The following MYO9A variants were observed in gnomAD, a reference collection of about 807,000 sequenced individuals.
The protein encoded by MYO9A is unconventional myosin-IXa.
A neutral mutation model predicts 293.3 loss-of-function variants in MYO9A; 103 were observed. The observed-to-expected ratio is 0.35, with a 90% CI of 0.30 to 0.41. MYO9A has a LOEUF of 0.41. MYO9A is among the 10% of genes least tolerant of loss of function. The pLI is 1.00. For synonymous variants in MYO9A, 1,001 were observed against 1,035.7 expected, an observed-to-expected ratio of 0.97 and a Z score of 0.64; for missense variants, 2,685 against 3,033.0, an observed-to-expected ratio of 0.89 and a Z score of 2.69.
At chr15:72,110,467 C>G (rs1390092968) in intron 1 of MYO9A, among the ~76,000 whole-genome samples, 1 of 149,372 alleles carries the variant, frequency 6.7e-6, no homozygotes, top group African/African-American at 2.5e-5. Flanking sequence ...AAGAAAATTC[C>G]AGAGATTACT....
At chr15:71,894,019 T>C (rs2057254595) in intron 25 of MYO9A, among the ~76,000 whole-genome samples, 1 of 152,162 alleles carries the variant, frequency 6.6e-6, no homozygotes, top group Admixed American at 6.5e-5. Flanking sequence ...GAATATGACA[T>C]ATGTTTAAGA....
chr15:72,073,790 T>A (rs1436850083), intron 1 of MYO9A, among the ~76,000 whole-genome samples: 1 of 152,208 alleles, frequency 6.6e-6, no homozygotes, highest in Non-Finnish European at 1.5e-5. Flanking sequence ...AAGTATTATG[T>A]AAATATGGCA....
intron 19 of MYO9A, among the ~76,000 whole-genome samples, chr15:71,914,021 C>T (rs2057936789): frequency 6.6e-6 from 1 of 152,176 alleles, no homozygotes; most frequent in African/African-American, 2.4e-5. Flanking sequence ...TTTTAACTCA[C>T]ATATGCACAG....
Position 71,898,774 on chromosome 15 carries a change from A to G in MYO9A, c.3729T>C (p.Gly1243=). The G allele has an allele frequency of 6.2e-7, 1 of 1,614,080 alleles. No homozygotes were observed. Among genetic ancestry groups the G allele is most frequent in the Non-Finnish European group, 8.5e-7 (1 of 1,180,018 alleles). The change falls in exon 25 of 42, where the codon GGT becomes GGC. Residue 1243 remains glycine, a synonymous_variant. Coordinates refer to ENST00000356056, the MANE Select transcript of MYO9A (RefSeq NM_006901.4). ...CAAGCACATCTTCCTGCAAGTCCACACCACTCTGGCTTTGGGCTCTCTCCT... is the reference window on the plus strand; with the variant it reads ...CAAGCACATCTTCCTGCAAGTCCACGCCACTCTGGCTTTGGGCTCTCTCCT... The part of the protein sequence containing the change: ...KQQERAQSQS[G]VDLQEDVLVR...
At chr15:71,984,690 C>A (rs548065808) in intron 11 of MYO9A, among the ~76,000 whole-genome samples, 1 of 152,242 alleles carries the variant, frequency 6.6e-6, no homozygotes, top group Non-Finnish European at 1.5e-5. Flanking sequence ...ATTTTACTAA[C>A]CTGTATCTTA....
chr15:71,989,433 C>T (rs573684406), intron 11 of MYO9A, among the ~76,000 whole-genome samples: 153 of 152,224 alleles, frequency 1.0e-3, no homozygotes, highest in African/African-American at 3.6e-3. Context: ...ATACCAAATC[C>T]ACAGATGCGC....
chr15:71,845,364 A>C (rs1176020808), intron 39 of MYO9A, among the ~76,000 whole-genome samples: 2 of 151,890 alleles, frequency 1.3e-5, no homozygotes, highest in African/African-American at 2.4e-5. Flanking sequence ...TATTCTCATC[A>C]AATATTTCTG....
intron 14 of MYO9A, among the ~76,000 whole-genome samples, chr15:71,953,873 T>TTGTTGTTTTG (rs1555490275): frequency 1.4e-5 from 2 of 147,428 alleles, no homozygotes; most frequent in African/African-American, 5.0e-5. Context: ...ATCAACTGTT[T>TTGTTGTTTTG]TTTTGTTTTG....
chr15:71,984,942 C>T (rs149567863), intron 11 of MYO9A, among the ~76,000 whole-genome samples: 3 of 152,132 alleles, frequency 2.0e-5, no homozygotes, highest in South Asian at 4.2e-4. Flanking sequence ...GTTGTTGAGA[C>T]GCAATCTCAC....
intron 3 of MYO9A, among the ~76,000 whole-genome samples, chr15:72,028,319 G>C (rs1183828453): frequency 6.7e-6 from 1 of 149,748 alleles, no homozygotes; most frequent in African/African-American, 2.4e-5. Context: ...ATGGTCACGA[G>C]TCTTTTTTCT....
chr15:71,933,858 A>G (rs1250294777), intron 17 of MYO9A, 149 bp from the exon 18 acceptor site: 1 of 685,220 alleles, frequency 1.5e-6, no homozygotes, highest in Non-Finnish European at 2.5e-6. Context: ...TGAAAACACT[A>G]TCTGATTCAG....
At chr15:71,851,188 C>T in intron 37 of MYO9A, 65 bp downstream of exon 37, 1 of 1,253,966 alleles carries the variant, frequency 8.0e-7, no homozygotes, top group South Asian at 1.3e-5. Context: ...TGGAGAAATT[C>T]CTTATCTATT....
chr15:71,993,373 TAAAATA>T (rs2076596739), intron 10 of MYO9A, among the ~76,000 whole-genome samples: 2 of 149,956 alleles, frequency 1.3e-5, no homozygotes, highest in South Asian at 4.2e-4. Context: ...AAATTTAAAA[TAAAATA>T]AAAATAAAAA....
chr15:71,999,909 AC>A lies in MYO9A; in HGVS notation c.1411del (p.Val471LeufsTer6). 6.2e-7 allele frequency: 1 copy of A among 1,612,772 alleles called. No individual in the cohort carries two copies. Among genetic ancestry groups the A allele is most frequent in the Non-Finnish European group, 8.5e-7 (1 of 1,179,530 alleles). Reference sequence around the variant, plus strand: ...TCCCACTGTCACCGTCTTCCTTGTAACTAATGCTTCAAATAGCATCTCTTCT... The same window carrying A: ...TCCCACTGTCACCGTCTTCCTTGTAATAATGCTTCAAATAGCATCTCTTCT... ...VKEEMLFEALVTRKTVTVGEK... is the reference protein window; with the variant it reads ...VKEEMLFEALXTRKTVTVGEK... On this transcript the variant is annotated frameshift_variant, in exon 9 of 42. Transcript: ENST00000356056. LOFTEE classifies it high-confidence loss of function.
intron 11 of MYO9A, among the ~76,000 whole-genome samples, chr15:71,978,969 C>G (rs950402393): frequency 2.0e-5 from 3 of 151,768 alleles, no homozygotes; most frequent in Admixed American, 6.6e-5. Context: ...GGAAAAAATG[C>G]ACCTGAGAAT....
chr15:72,014,304 C>T (rs916396001), intron 6 of MYO9A, among the ~76,000 whole-genome samples: 9 of 152,178 alleles, frequency 5.9e-5, no homozygotes, highest in African/African-American at 2.2e-4. Flanking sequence ...TCTTTACTAA[C>T]CTTCAAAGTC....
At chr15:71,975,880 A>T (rs2076131775) in intron 12 of MYO9A, among the ~76,000 whole-genome samples, 1 of 152,222 alleles carries the variant, frequency 6.6e-6, no homozygotes, top group Admixed American at 6.5e-5. Context: ...AGAGATTCTG[A>T]ATAGCTGAAC....
rs1460229392 is a variant in MYO9A at position 71,862,536 on chromosome 15, A to G, written c.6055T>C (p.Leu2019=). 2.5e-6 allele frequency: 4 copies of G among 1,612,634 alleles called. No homozygotes were observed. The highest frequency in any genetic ancestry group is 1.6e-4 in the Middle Eastern group (1 of 6,074). Residue 2019 remains leucine (L), a synonymous_variant, in exon 33 of 42, where the codon TTG becomes CTG. Transcript: ENST00000356056. The stretch of plus-strand genomic sequence containing the variant: ...GAGGCTCGGTCCATTATCCATATCA[A>G]AGAAGAACAGTATTCACAGTATGTA... ...IPTYCEYCSS[L]IWIMDRASVC...
At position 72,107,244 on chromosome 15, in the gene MYO9A, T is replaced by C. The variant is rs1046207050; in HGVS notation, c.-72+10436A>G. Among the ~76,000 whole-genome samples the C allele has an allele frequency of 2.0e-5, 3 of 152,242 alleles. No homozygotes were observed. The East Asian group carries it at 5.8e-4, about 29-fold the overall frequency. On this transcript the variant is annotated intron_variant, in intron 1 of 41. Coordinates refer to ENST00000356056, the MANE Select transcript of MYO9A (RefSeq NM_006901.4). The stretch of plus-strand genomic sequence containing the variant: ...ACAAGGAGCATACTTAGCACCTAAA[T>C]AGTGGTTTCTAAATACAATCTCGGC...
Sources: allele counts gnomAD v4.1 joint callset (sites outside exome capture counted in the v4.1 genomes callset), GRCh38; gene constraint gnomAD v4.1.1; transcripts MANE v1.5; gene names NCBI Gene and HGNC (gene_info 2026-07-23, HGNC 2026-07-21).